The following ACVR1 variants were observed in gnomAD, a reference collection of about 807,000 sequenced individuals.
ACVR1 encodes the protein activin receptor type-1.
Under a neutral mutation model 57.1 loss-of-function variants are expected in ACVR1, and 38 were observed. The observed-to-expected ratio is 0.67, with a 90% CI of 0.51 to 0.87. ACVR1 has a LOEUF of 0.87. ACVR1 is among the 40% of genes least tolerant of loss of function. ACVR1 has a pLI of 0.00. For synonymous variants in ACVR1, 212 were observed against 228.1 expected, an observed-to-expected ratio of 0.93 and a Z score of 0.63; for missense variants, 463 against 638.2, an observed-to-expected ratio of 0.73 and a Z score of 2.96.
chr2:157,740,494 A>G (rs1684710388), intron 9 of ACVR1, among the ~76,000 whole-genome samples: 1 of 152,236 alleles, frequency 6.6e-6, no homozygotes, highest in African/African-American at 2.4e-5. Context: ...ACAAGAATTT[A>G]CAGAAAACAG....
intron 9 of ACVR1, among the ~76,000 whole-genome samples, chr2:157,745,517 A>G (rs528068414): frequency 3.0e-4 from 46 of 152,332 alleles, no homozygotes; most frequent in Admixed American, 2.1e-3. Flanking sequence ...GCAGCCTTCA[A>G]CTTATTTTGT....
chr2:157,757,821 A>G (rs951260007), intron 9 of ACVR1, among the ~76,000 whole-genome samples: 1 of 151,872 alleles, frequency 6.6e-6, no homozygotes, highest in African/African-American at 2.4e-5. Flanking sequence ...CTGGTAGAGC[A>G]GACACAAAAA....
At chr2:157,820,715 G>T (rs1276842882) in intron 1 of ACVR1, among the ~76,000 whole-genome samples, 1 of 151,910 alleles carries the variant, frequency 6.6e-6, no homozygotes, top group Non-Finnish European at 1.5e-5. Context: ...CTTCTCTAAA[G>T]ATTCTTATAT....
At chr2:157,746,729 A>G (rs1049402104) in intron 9 of ACVR1, among the ~76,000 whole-genome samples, 1 of 152,274 alleles carries the variant, frequency 6.6e-6, no homozygotes, top group African/African-American at 2.4e-5. Flanking sequence ...TGCACATTCC[A>G]GTTTAAAAAC....
chr2:157,866,372 G>T (rs1159284506), intron 1 of ACVR1, among the ~76,000 whole-genome samples: 1 of 152,078 alleles, frequency 6.6e-6, no homozygotes, highest in Non-Finnish European at 1.5e-5. Flanking sequence ...GAAGAGAGAG[G>T]AGCTGAGGTG....
chr2:157,863,011 CTTTTTTTTTTTTTTT>C (rs374223805), intron 1 of ACVR1, among the ~76,000 whole-genome samples: 8 of 62,288 alleles, frequency 1.3e-4, no homozygotes, highest in Admixed American at 2.9e-4. Context: ...AGAACATTTA[CTTTTTTTTTTTTTTT>C]TTTTTTTTTT....
rs1419813584 is a variant in ACVR1 at position 157,864,692 on chromosome 2, CTCAAAAGATCAAAT to C, written c.-183+11090_-183+11103del. Among the ~76,000 whole-genome samples, 24 of 152,126 alleles carry C rather than the reference CTCAAAAGATCAAAT, an allele frequency of 1.6e-4. 1 individual carries two copies. Among genetic ancestry groups the C allele is most frequent in the Admixed American group, 1.6e-3 (24 of 15,276 alleles). Reference sequence around the variant, plus strand: ...CCTTCACATTACAAAATATCAAAAGCTCAAAAGATCAAATTCAAAAGATCAGTTCAAAAGATCAA... The same window carrying C: ...CCTTCACATTACAAAATATCAAAAGCTCAAAAGATCAGTTCAAAAGATCAA... On this transcript the variant is annotated intron_variant, in intron 1 of 10. Coordinates refer to ENST00000434821, the MANE Select transcript of ACVR1 (RefSeq NM_001111067.4).
At chr2:157,816,420 A>T (rs1687936984) in intron 2 of ACVR1, among the ~76,000 whole-genome samples, 1 of 145,402 alleles carries the variant, frequency 6.9e-6, no homozygotes, top group Non-Finnish European at 1.5e-5. Flanking sequence ...TCTGTCTCCA[A>T]AAAAAAAAAC....
chr2:157,870,165 CCA>C (rs1256036917), intron 1 of ACVR1, among the ~76,000 whole-genome samples: 1 of 152,154 alleles, frequency 6.6e-6, no homozygotes. Context: ...TCCTCAGTAC[CCA>C]CGTTCCAAAC....
intron 3 of ACVR1, among the ~76,000 whole-genome samples, chr2:157,794,997 A>G (rs77570121): frequency 6.6e-6 from 1 of 151,534 alleles, no homozygotes; most frequent in Non-Finnish European, 1.5e-5. Context: ...TTTTTTTTAA[A>G]TAGACTAAGA....
At chr2:157,806,826 C>G (rs1687565959) in intron 2 of ACVR1, 1 of 152,160 alleles carries the variant, frequency 6.6e-6, no homozygotes, top group South Asian at 2.1e-4. Context: ...TGGCAATGTG[C>G]AAATTGCCAA....
intron 1 of ACVR1, among the ~76,000 whole-genome samples, chr2:157,844,474 A>G (rs948461921): frequency 6.6e-6 from 1 of 152,124 alleles, no homozygotes; most frequent in Non-Finnish European, 1.5e-5. Context: ...CTCCACACCA[A>G]AAGTACAGTA....
chr2:157,831,995 T>C (rs1357228480), intron 1 of ACVR1, among the ~76,000 whole-genome samples: 3 of 152,218 alleles, frequency 2.0e-5, no homozygotes, highest in Non-Finnish European at 2.9e-5. Flanking sequence ...CAGCCTTTTT[T>C]GTACAACTTA....
chr2:157,762,023 A>T (rs1685677964), intron 8 of ACVR1, among the ~76,000 whole-genome samples: 1 of 152,164 alleles, frequency 6.6e-6, no homozygotes, highest in African/African-American at 2.4e-5. Flanking sequence ...AACATCAGGG[A>T]GCTAGCACAC....
chr2:157,863,293 G>T (rs867849403), intron 1 of ACVR1, among the ~76,000 whole-genome samples: 2 of 138,308 alleles, frequency 1.4e-5, no homozygotes, highest in South Asian at 2.4e-4. Context: ...GATTACAGGC[G>T]TGAGCCACCA....
chr2:157,827,814 C>T (rs1688441412), intron 1 of ACVR1, among the ~76,000 whole-genome samples: 1 of 152,116 alleles, frequency 6.6e-6, no homozygotes, highest in South Asian at 2.1e-4. Flanking sequence ...GCTAGACATG[C>T]CCCCGCACCA....
intron 3 of ACVR1, among the ~76,000 whole-genome samples, chr2:157,792,033 G>C (rs186860044): frequency 6.6e-6 from 1 of 151,980 alleles, no homozygotes; most frequent in East Asian, 1.9e-4. Context: ...ATTTGGTGTA[G>C]GTACCATAAT....
chr2:157,780,203 T>C (rs1217388662), intron 4 of ACVR1, 134 bp downstream of exon 4: 1 of 1,314,968 alleles, frequency 7.6e-7, no homozygotes, highest in Non-Finnish European at 1.1e-6. Context: ...CAGGGTGACC[T>C]TCCTTGTAGC....
At chr2:157,852,513 G>A (rs201366847) in intron 1 of ACVR1, among the ~76,000 whole-genome samples, 256 of 130,192 alleles carry the variant, frequency 2.0e-3, no homozygotes, top group South Asian at 5.9e-3. Context: ...AAAAAAAAAA[G>A]AAAAAAAAAA....
Sources: gnomAD v4.1 joint callset for allele counts (sites outside exome capture counted in the v4.1 genomes callset) on GRCh38, gnomAD v4.1.1 for gene constraint, MANE v1.5 for transcripts, NCBI Gene and HGNC (gene_info 2026-07-23, HGNC 2026-07-21) for gene names.